The following RTN4 variants were observed in gnomAD, a reference collection of about 807,000 sequenced individuals.
RTN4 encodes reticulon-4.
A neutral mutation model predicts 90.4 loss-of-function variants in RTN4; 32 were observed. That is an observed-to-expected ratio of 0.35 (90% CI 0.27 to 0.48). The LOEUF (loss-of-function observed/expected upper bound fraction) is 0.48, where lower values mean the gene tolerates loss of function less well. Ranked by LOEUF, RTN4 falls within the 20% of genes least tolerant of loss-of-function variation. The pLI is 0.99. For synonymous variants in RTN4, 629 were observed against 552.5 expected (o/e 1.14, Z -1.94); for missense variants, 1,706 against 1,430.2 (o/e 1.19, Z -3.11).
intron 2 of RTN4, among the ~76,000 whole-genome samples, chr2:55,076,365 G>A (rs1668598811): frequency 7.0e-6 from 1 of 143,144 alleles, no homozygotes; most frequent in African/African-American, 2.6e-5. Context: ...GTTTGGCTGT[G>A]TCCCCACCCA....
At chr2:55,097,068 A>G (rs150846506) in intron 1 of RTN4, among the ~76,000 whole-genome samples, 1 of 151,974 alleles carries the variant, frequency 6.6e-6, no homozygotes, top group East Asian at 1.9e-4. Context: ...AATGATTTCA[A>G]TAAAGAAAAA....
chr2:54,999,971 T>A (rs1679736258), intron 3 of RTN4, among the ~76,000 whole-genome samples: 2 of 152,172 alleles, frequency 1.3e-5, no homozygotes, highest in Non-Finnish European at 2.9e-5. Context: ...CAATATGATC[T>A]GAGAAGATAA....
chr2:55,025,008 A>G, intron 3 of RTN4, 78 bp downstream of exon 3: 3 of 1,485,512 alleles, frequency 2.0e-6, no homozygotes, highest in Non-Finnish European at 2.7e-6. Context: ...AACATAATAT[A>G]AAACACAAAA....
chr2:55,032,733 A>G (rs1682408845), intron 1 of RTN4, among the ~76,000 whole-genome samples: 1 of 152,146 alleles, frequency 6.6e-6, no homozygotes, highest in Non-Finnish European at 1.5e-5. Context: ...GTCCCCTTAA[A>G]AAAAGCAACA....
chr2:54,997,350 G>A (rs754171969), intron 3 of RTN4, among the ~76,000 whole-genome samples: 11 of 152,114 alleles, frequency 7.2e-5, no homozygotes, highest in Non-Finnish European at 1.2e-4. Flanking sequence ...AAAAAGATGA[G>A]CAATAAAAAG....
intron 4 of RTN4, among the ~76,000 whole-genome samples, chr2:54,983,352 T>TAAATAAAA (rs1553432923): frequency 2.1e-5 from 3 of 141,422 alleles, no homozygotes; most frequent in African/African-American, 5.2e-5. Flanking sequence ...AATAAATAAA[T>TAAATAAAA]AAAAATACTA....
rs34110967 is a variant in RTN4 at position 55,002,049 on chromosome 2, T to TTTTATTTA, written c.3014-14359_3014-14352dup. On this transcript the variant is annotated intron_variant, in intron 3 of 8. Coordinates refer to ENST00000337526, the MANE Select transcript of RTN4 (RefSeq NM_020532.5). ...CCAAGATAAAGTCAATCAAATCTTA[T>TTTTATTTA]TTTATTTATTTATTTATTTATTTAT... 1.7e-3 allele frequency among the ~76,000 whole-genome samples: 253 copies of TTTTATTTA among 151,118 alleles called. 1 individual carries two copies. In the South Asian group the frequency reaches 0.023, roughly 14 times the overall value.
chr2:55,132,978 G>T, the RTN4 span, among the ~76,000 whole-genome samples: 7 of 151,852 alleles, frequency 4.6e-5, no homozygotes, highest in South Asian at 1.5e-3. Flanking sequence ...TTGGGAGGCC[G>T]AGGCAGGTGG....
At chr2:55,119,931 G>A in the RTN4 span, among the ~76,000 whole-genome samples, 1 of 152,230 alleles carries the variant, frequency 6.6e-6, no homozygotes, top group Non-Finnish European at 1.5e-5. Flanking sequence ...ACCAGCCTCA[G>A]ATGCAGGAGG....
At chr2:55,055,696 G>T (rs1191641194), upstream of RTN4, among the ~76,000 whole-genome samples, 1 of 151,872 alleles carries the variant, frequency 6.6e-6, no homozygotes, top group African/African-American at 2.4e-5. Flanking sequence ...CGTGAACCTG[G>T]GAGGCAGCGC....
At chr2:55,024,831 A>G (rs1681698639) in intron 3 of RTN4, among the ~76,000 whole-genome samples, 2 of 152,200 alleles carry the variant, frequency 1.3e-5, no homozygotes, top group Non-Finnish European at 1.5e-5. Context: ...CAATTCTTAT[A>G]AACAAAAATA....
intron 1 of RTN4, among the ~76,000 whole-genome samples, chr2:55,110,735 C>G (rs1668023670): frequency 1.3e-5 from 2 of 152,102 alleles, no homozygotes; most frequent in African/African-American, 4.8e-5. Context: ...AGGAAAAATA[C>G]AGATTAAAAA....
intron 5 of RTN4, among the ~76,000 whole-genome samples, chr2:54,979,163 T>C (rs1677913429): frequency 6.6e-6 from 1 of 151,932 alleles, no homozygotes; most frequent in Non-Finnish European, 1.5e-5. Flanking sequence ...AAGAATCCTC[T>C]TGCCTCAGCC....
intron 1 of RTN4, among the ~76,000 whole-genome samples, chr2:55,035,683 T>C (rs1389962770): frequency 1.3e-5 from 2 of 150,864 alleles, no homozygotes; most frequent in African/African-American, 2.4e-5. Flanking sequence ...ACAGAATTGA[T>C]AATCAACTAA....
Position 55,025,354 on chromosome 2 carries a change from C to A in RTN4, c.2745G>T (p.Leu915Phe), listed in dbSNP as rs747420660. The change falls in exon 3 of 9, where the codon TTG (leucine) becomes TTT (phenylalanine). Residue 915 changes from leucine (L) to phenylalanine (F), a missense_variant. Leu to Phe is a conservative substitution (Grantham distance 22). Coordinates refer to ENST00000337526, the MANE Select transcript of RTN4 (RefSeq NM_020532.5). ...DGAGSLPCTE[L>F]PHDLSLKNIQ... is the part of the protein sequence containing the mutation. ...TGTTCTTCAAAGAAAGGTCATGGGG[C>A]AATTCTGTGCAAGGCAATGACCCAG... 1 of 1,613,950 alleles carries A rather than the reference C, an allele frequency of 6.2e-7. No homozygotes were observed. The highest frequency in any genetic ancestry group is 8.5e-7 in the Non-Finnish European group (1 of 1,179,906).
intron 1 of RTN4, among the ~76,000 whole-genome samples, chr2:55,039,663 A>C (rs1158311613): frequency 6.6e-6 from 1 of 152,028 alleles, no homozygotes; most frequent in Non-Finnish European, 1.5e-5. Context: ...GCCTGTAATC[A>C]CAGCTACTCG....
chr2:55,004,361 A>C (rs1342886835), intron 3 of RTN4, among the ~76,000 whole-genome samples: 1 of 152,188 alleles, frequency 6.6e-6, no homozygotes, highest in Admixed American at 6.5e-5. Context: ...ATAAAAACAA[A>C]GGCTTCATGC....
chr2:54,973,463 T>TA (rs1277730068), intron 8 of RTN4, 100 bp downstream of exon 8: 1 of 950,680 alleles, frequency 1.1e-6, no homozygotes, highest in African/African-American at 1.6e-5. Context: ...TAAGGTCTGA[T>TA]AGAGATTTGT....
chr2:55,129,707 G>T, the RTN4 span, among the ~76,000 whole-genome samples: 1 of 151,898 alleles, frequency 6.6e-6, no homozygotes, highest in African/African-American at 2.4e-5. Context: ...GACTACAGGC[G>T]CTTGCCACCA....
Sources: gnomAD v4.1 joint callset for allele counts (sites outside exome capture counted in the v4.1 genomes callset) on GRCh38, gnomAD v4.1.1 for gene constraint, MANE v1.5 for transcripts, NCBI Gene and HGNC (gene_info 2026-07-23, HGNC 2026-07-21) for gene names.